The following GALNTL6 variants were observed in gnomAD, a reference collection of about 807,000 sequenced individuals.
GALNTL6 encodes polypeptide N-acetylgalactosaminyltransferase like 6, also known as polypeptide N-acetylgalactosaminyltransferase-like 6.
In GALNTL6, 46 loss-of-function variants were observed where a neutral mutation model predicts 73.7. The observed-to-expected ratio is 0.62, with a 90% CI of 0.49 to 0.80. GALNTL6 has a LOEUF of 0.80. Among genes scored for constraint, GALNTL6 ranks in the 30% least tolerant of loss-of-function variants. The pLI, the probability that GALNTL6 is intolerant of heterozygous loss-of-function variation, is 0.00. For missense variants in GALNTL6, 604 were observed against 755.0 expected, an observed-to-expected ratio of 0.80 and a Z score of 2.34; for synonymous variants, 259 against 263.7, an observed-to-expected ratio of 0.98 and a Z score of 0.17.
At chr4:172,088,631 C>G (rs555409816) in intron 2 of GALNTL6, among the ~76,000 whole-genome samples, 1 of 152,022 alleles carries the variant, frequency 6.6e-6, no homozygotes, top group Non-Finnish European at 1.5e-5. Context: ...AGTCTGGGCT[C>G]TAGGTGTAGG....
At chr4:172,346,126 C>A (rs72986325) in intron 4 of GALNTL6, among the ~76,000 whole-genome samples, 4,761 of 152,270 alleles carry the variant, frequency 0.031, 241 homozygotes, top group African/African-American at 0.11. Context: ...GATGTGCCAG[C>A]ATCATCTGCT....
intron 3 of GALNTL6, among the ~76,000 whole-genome samples, chr4:172,296,608 T>G (rs1010361380): frequency 6.6e-6 from 1 of 151,998 alleles, no homozygotes; most frequent in East Asian, 1.9e-4. Flanking sequence ...TGAGAACATG[T>G]GGTGTTTGGT....
At chr4:172,343,534 C>G (rs1741642345) in intron 4 of GALNTL6, among the ~76,000 whole-genome samples, 1 of 151,884 alleles carries the variant, frequency 6.6e-6, no homozygotes, top group Admixed American at 6.6e-5. Context: ...GAAAAAACCA[C>G]TTATTTTAAT....
intron 2 of GALNTL6, among the ~76,000 whole-genome samples, chr4:171,978,054 A>T (rs1012069630): frequency 6.6e-6 from 1 of 152,122 alleles, no homozygotes; most frequent in Non-Finnish European, 1.5e-5. Context: ...AAAAACCGCC[A>T]TTACTAACAC....
intron 2 of GALNTL6, among the ~76,000 whole-genome samples, chr4:171,842,113 G>T (rs939823348): frequency 4.6e-5 from 7 of 152,044 alleles, no homozygotes; most frequent in Non-Finnish European, 8.8e-5. Flanking sequence ...TTTCGGTTTT[G>T]TCATTATGAA....
chr4:172,131,192 T>C (rs966668724), intron 2 of GALNTL6, among the ~76,000 whole-genome samples: 2 of 151,740 alleles, frequency 1.3e-5, no homozygotes, highest in Non-Finnish European at 2.9e-5. Flanking sequence ...AGAAATCTCT[T>C]CCTTTGTGTA....
At chr4:172,245,054 G>A (rs539971639) in intron 3 of GALNTL6, among the ~76,000 whole-genome samples, 8 of 152,154 alleles carry the variant, frequency 5.3e-5, no homozygotes, top group African/African-American at 1.9e-4. Context: ...GAATCAAGAC[G>A]AAAAAGATCA....
chr4:171,928,092 T>A (rs1018535526), intron 2 of GALNTL6, among the ~76,000 whole-genome samples: 6 of 152,210 alleles, frequency 3.9e-5, no homozygotes, highest in African/African-American at 1.4e-4. Flanking sequence ...TTAAGTGCCA[T>A]AAAATTATTT....
intron 5 of GALNTL6, among the ~76,000 whole-genome samples, chr4:172,798,711 C>A (rs145415436): frequency 2.0e-5 from 3 of 152,094 alleles, no homozygotes; most frequent in Non-Finnish European, 2.9e-5. Context: ...GTAAAAATAA[C>A]CAGCGGTTAA....
At chr4:171,946,640 A>T (rs965350356) in intron 2 of GALNTL6, among the ~76,000 whole-genome samples, 2 of 152,128 alleles carry the variant, frequency 1.3e-5, no homozygotes, top group African/African-American at 4.8e-5. Context: ...GATACATGTT[A>T]TGAAGAGAAT....
intron 8 of GALNTL6, among the ~76,000 whole-genome samples, chr4:172,921,101 GAC>G (rs1437460359): frequency 6.6e-6 from 1 of 152,176 alleles, no homozygotes; most frequent in African/African-American, 2.4e-5. Context: ...GCCCGAGGGT[GAC>G]AGAGTATCTG....
At chr4:172,496,939 A>T (rs1734088965) in intron 5 of GALNTL6, among the ~76,000 whole-genome samples, 2 of 152,204 alleles carry the variant, frequency 1.3e-5, no homozygotes. Flanking sequence ...AACATGAAAA[A>T]TAATTCTCAA....
At chr4:172,846,853 T>C (rs1196010177) in intron 7 of GALNTL6, among the ~76,000 whole-genome samples, 1 of 152,228 alleles carries the variant, frequency 6.6e-6, no homozygotes, top group Non-Finnish European at 1.5e-5. Flanking sequence ...TACATGAATT[T>C]TAGAAGTCTT....
At chr4:172,460,551 G>A (rs1159469970) in intron 5 of GALNTL6, among the ~76,000 whole-genome samples, 1 of 152,160 alleles carries the variant, frequency 6.6e-6, no homozygotes, top group African/African-American at 2.4e-5. Context: ...CAAAAAGTGG[G>A]CAAAGGATAT....
intron 8 of GALNTL6, among the ~76,000 whole-genome samples, chr4:172,911,261 G>C (rs1747184642): frequency 1.3e-5 from 2 of 152,164 alleles, no homozygotes. Context: ...TCATGACAAT[G>C]CTTTGTACAC....
At chr4:172,413,490 A>G (rs1744516446) in intron 5 of GALNTL6, among the ~76,000 whole-genome samples, 1 of 152,226 alleles carries the variant, frequency 6.6e-6, no homozygotes, top group Non-Finnish European at 1.5e-5. Flanking sequence ...TTTTCAAAAT[A>G]AATGAAAAGA....
At chr4:172,765,735 T>G (rs1381636118) in intron 5 of GALNTL6, among the ~76,000 whole-genome samples, 1 of 152,088 alleles carries the variant, frequency 6.6e-6, no homozygotes, top group Non-Finnish European at 1.5e-5. Context: ...TCCTCTTCAG[T>G]CGTCTCCCAC....
chr4:171,912,107 A>C (rs1184946690), intron 2 of GALNTL6, among the ~76,000 whole-genome samples: 3 of 152,144 alleles, frequency 2.0e-5, no homozygotes, highest in Non-Finnish European at 4.4e-5. Flanking sequence ...TAAGCTCATC[A>C]TATAATGTTT....
At chr4:172,760,913 A>G (rs1209067569) in intron 5 of GALNTL6, among the ~76,000 whole-genome samples, 2 of 152,238 alleles carry the variant, frequency 1.3e-5, no homozygotes, top group East Asian at 1.9e-4. Flanking sequence ...GCCTAAATGC[A>G]GTGACCAACA....
Sources: gnomAD v4.1 joint callset for allele counts (sites outside exome capture counted in the v4.1 genomes callset) on GRCh38, gnomAD v4.1.1 for gene constraint, MANE v1.5 for transcripts, NCBI Gene and HGNC (gene_info 2026-07-23, HGNC 2026-07-21) for gene names.